IL1RAPL2: variants seen among roughly 807,000 people sequenced by gnomAD.
IL1RAPL2 encodes the protein X-linked interleukin-1 receptor accessory protein-like 2.
Under a neutral mutation model 44.1 loss-of-function variants are expected in IL1RAPL2, and 3 were observed. The observed-to-expected ratio is 0.07, with a 90% confidence interval of 0.03 to 0.18. IL1RAPL2 has a LOEUF of 0.18. Ranked by LOEUF, IL1RAPL2 falls within the 10% of genes least tolerant of loss-of-function variation. IL1RAPL2 has a pLI of 1.00. For synonymous variants in IL1RAPL2, 181 were observed against 178.8 expected (o/e 1.01, Z -0.10); for missense variants, 391 against 496.4 (o/e 0.79, Z 2.02).
intron 5 of IL1RAPL2, among the ~76,000 whole-genome samples, chrX:105,482,450 A>G (rs2036239025): frequency 8.9e-6 from 1 of 111,974 alleles, no homozygotes; most frequent in Admixed American, 9.5e-5. Context: ...GTTCAATTCC[A>G]TAAGGACAAT....
chrX:105,490,028 G>C (rs1440113904), intron 6 of IL1RAPL2, among the ~76,000 whole-genome samples: 1 of 110,116 alleles, frequency 9.1e-6, no homozygotes, highest in South Asian at 3.9e-4. Flanking sequence ...GGGTTTCGCT[G>C]TGTTGGCCAG....
chrX:104,735,946 C>T (rs919581392), intron 2 of IL1RAPL2, among the ~76,000 whole-genome samples: 1 of 111,285 alleles, frequency 9.0e-6, no homozygotes. Flanking sequence ...CATATTATGG[C>T]CCACCCTATC....
intron 2 of IL1RAPL2, among the ~76,000 whole-genome samples, chrX:104,666,005 A>G (rs1006338753): frequency 9.0e-6 from 1 of 111,531 alleles, no homozygotes. Flanking sequence ...AATTTTGCCA[A>G]TCTAAATCCA....
chrX:105,684,229 G>A (rs916694752), intron 6 of IL1RAPL2, among the ~76,000 whole-genome samples: 10 of 112,331 alleles, frequency 8.9e-5, no homozygotes, highest in East Asian at 5.6e-4. Flanking sequence ...AGGGCGGGGC[G>A]TCGCCTCACC....
At chrX:105,450,195 C>T (rs1321164445) in intron 5 of IL1RAPL2, among the ~76,000 whole-genome samples, 1 of 111,798 alleles carries the variant, frequency 8.9e-6, no homozygotes, top group Non-Finnish European at 1.9e-5. Context: ...GACAGGGCAG[C>T]GCTGAGTTCA....
At chrX:105,286,391 G>A (rs1438112808) in intron 5 of IL1RAPL2, among the ~76,000 whole-genome samples, 3 of 108,528 alleles carry the variant, frequency 2.8e-5, no homozygotes, top group African/African-American at 1.0e-4. Context: ...TTGTCATTAT[G>A]ACTGTTATTT....
At chrX:104,599,664 AC>A (rs1928837158) in intron 1 of IL1RAPL2, among the ~76,000 whole-genome samples, 1 of 104,654 alleles carries the variant, frequency 9.6e-6, no homozygotes, top group Non-Finnish European at 2.0e-5. Context: ...ACACACACAC[AC>A]ACACACACAC....
At chrX:104,855,068 C>A (rs1922321488) in intron 2 of IL1RAPL2, among the ~76,000 whole-genome samples, 1 of 112,265 alleles carries the variant, frequency 8.9e-6, no homozygotes, top group South Asian at 3.7e-4. Flanking sequence ...TGTTTTATGG[C>A]AAGCTTTTAT....
intron 2 of IL1RAPL2, among the ~76,000 whole-genome samples, chrX:105,181,488 A>G (rs1427147289): frequency 9.0e-6 from 1 of 111,281 alleles, no homozygotes; most frequent in Non-Finnish European, 1.9e-5. Context: ...CTTTTGCTGT[A>G]TCCCGTAGGT....
At chrX:105,382,035 A>G (rs1264515304) in intron 5 of IL1RAPL2, among the ~76,000 whole-genome samples, 1 of 106,638 alleles carries the variant, frequency 9.4e-6, no homozygotes, top group Non-Finnish European at 1.9e-5. Context: ...AACTTAGGCA[A>G]TACCATTCAG....
chrX:105,245,552 A>G (rs1303332751), intron 4 of IL1RAPL2, among the ~76,000 whole-genome samples: 4 of 112,643 alleles, frequency 3.6e-5, no homozygotes, highest in Non-Finnish European at 5.6e-5. Context: ...TTCTTCTGAC[A>G]CTATATAAAT....
At chrX:105,714,159 C>T (rs1358168238) in intron 6 of IL1RAPL2, among the ~76,000 whole-genome samples, 8 of 111,709 alleles carry the variant, frequency 7.2e-5, no homozygotes, top group African/African-American at 2.3e-4. Flanking sequence ...TCATTTCTTT[C>T]TGATACCTCA....
chrX:104,987,883 A>G (rs1414505880), intron 2 of IL1RAPL2, among the ~76,000 whole-genome samples: 1 of 111,797 alleles, frequency 8.9e-6, no homozygotes, highest in Admixed American at 9.5e-5. Context: ...AGCTCCCTCA[A>G]GTAAAGCATG....
At chrX:105,673,994 T>G (rs2037846894) in intron 6 of IL1RAPL2, among the ~76,000 whole-genome samples, 1 of 112,008 alleles carries the variant, frequency 8.9e-6, no homozygotes, top group Non-Finnish European at 1.9e-5. Flanking sequence ...TTCATGTTCT[T>G]TGCCTGCTTT....
At chrX:104,869,490 C>A (rs1922702165) in intron 2 of IL1RAPL2, among the ~76,000 whole-genome samples, 1 of 111,803 alleles carries the variant, frequency 8.9e-6, no homozygotes, top group African/African-American at 3.2e-5. Flanking sequence ...AATTCATATG[C>A]CACTTCATGG....
chrX:105,211,308 A>C (rs2033806146), intron 3 of IL1RAPL2, among the ~76,000 whole-genome samples: 1 of 111,290 alleles, frequency 9.0e-6, no homozygotes, highest in African/African-American at 3.3e-5. Context: ...CTTGGGATTG[A>C]GGAGGATTCT....
chrX:104,880,170 C>G (rs1273662473), intron 2 of IL1RAPL2, among the ~76,000 whole-genome samples: 2 of 111,244 alleles, frequency 1.8e-5, no homozygotes, highest in Non-Finnish European at 3.8e-5. Context: ...TCAAGTTTCA[C>G]CTCAAAGAAT....
At chrX:105,400,088 G>C (rs748744428) in intron 5 of IL1RAPL2, among the ~76,000 whole-genome samples, 1 of 111,674 alleles carries the variant, frequency 9.0e-6, no homozygotes, top group African/African-American at 3.2e-5. Flanking sequence ...GTGCTAAATC[G>C]TGTATTACCT....
chrX:104,947,737 T>C (rs1403144703), intron 2 of IL1RAPL2, among the ~76,000 whole-genome samples: 1 of 111,624 alleles, frequency 9.0e-6, no homozygotes, highest in Non-Finnish European at 1.9e-5. Flanking sequence ...AGATATGCGG[T>C]GTTATTTCTC....
Sources: gnomAD v4.1 joint callset for allele counts (sites outside exome capture counted in the v4.1 genomes callset) on GRCh38, gnomAD v4.1.1 for gene constraint, MANE v1.5 for transcripts, NCBI Gene and HGNC (gene_info 2026-07-23, HGNC 2026-07-21) for gene names.